The following CENPL variants were observed in gnomAD, a reference collection of about 807,000 sequenced individuals.
CENPL encodes the protein interphase centromere complex protein 33.
In CENPL, 20 loss-of-function variants were observed where a neutral mutation model predicts 35.2. That is an observed-to-expected ratio of 0.57 (90% CI 0.40 to 0.83). The LOEUF is 0.83. Ranked by LOEUF, CENPL falls within the 40% of genes least tolerant of loss-of-function variation. The pLI is 0.00. For missense variants in CENPL, 363 were observed against 395.8 expected (o/e 0.92, Z 0.70); for synonymous variants, 140 against 140.6 (o/e 1.00, Z 0.03).
chr1:173,823,844 G>T (rs1052586736), intron 2 of CENPL, 82 bp downstream of exon 2: 2 of 152,088 alleles, frequency 1.3e-5, no homozygotes, highest in African/African-American at 4.8e-5. Flanking sequence ...ACCTCAACAC[G>T]CAAGTATTGT....
intron 2 of CENPL, among the ~76,000 whole-genome samples, chr1:173,815,357 G>A (rs938710910): frequency 3.9e-5 from 6 of 152,112 alleles, no homozygotes; most frequent in African/African-American, 1.2e-4. Context: ...TCATCCTGAT[G>A]CCAAAGCCTG....
At chr1:173,821,574 G>A (rs780531162) in intron 2 of CENPL, among the ~76,000 whole-genome samples, 3 of 152,048 alleles carry the variant, frequency 2.0e-5, no homozygotes, top group Admixed American at 6.6e-5. Flanking sequence ...TAATGTTAAC[G>A]TAAAATAGCC....
In CENPL at chr1:173,824,668, G is replaced by C. The variant is rs1652378797; in HGVS notation, c.-558C>G. 1 of 159,636 alleles carries C rather than the reference G, an allele frequency of 6.3e-6. No homozygotes were observed. Among genetic ancestry groups the C allele is most frequent in the African/African-American group, 2.4e-5 (1 of 41,510 alleles). 9.9% of individuals were successfully genotyped at this position (159,636 alleles called of 1,614,324 possible). Reference sequence around the variant, plus strand: ...CGGTAATCTTGGGCACTAGCGGGCGGAGTTGAAGGGCGCTTGGACCCCAGC... The same window carrying C: ...CGGTAATCTTGGGCACTAGCGGGCGCAGTTGAAGGGCGCTTGGACCCCAGC... On this transcript the variant is annotated 5_prime_UTR_variant, in exon 1 of 6. Coordinates refer to ENST00000682279, the MANE Select transcript of CENPL (RefSeq NM_001387287.1).
At chr1:173,817,058 A>G (rs939136437) in intron 2 of CENPL, among the ~76,000 whole-genome samples, 1 of 152,064 alleles carries the variant, frequency 6.6e-6, no homozygotes, top group Non-Finnish European at 1.5e-5. Context: ...GAATCGCTGA[A>G]CCCAAGGAGG....
chr1:173,802,650 A>G (rs1347649652), intron 5 of CENPL, among the ~76,000 whole-genome samples: 1 of 152,242 alleles, frequency 6.6e-6, no homozygotes, highest in Admixed American at 6.5e-5. Context: ...TGTCTAACAC[A>G]AAATTCTCTA....
chr1:173,806,583 C>T (rs1479082498), intron 4 of CENPL: 2 of 288,848 alleles, frequency 6.9e-6, no homozygotes, highest in East Asian at 2.7e-4. Context: ...GACCCTGTCT[C>T]AAAAAAATAA....
intron 4 of CENPL, among the ~76,000 whole-genome samples, chr1:173,805,234 T>C (rs1650107496): frequency 6.6e-6 from 1 of 152,104 alleles, no homozygotes; most frequent in Admixed American, 6.6e-5. Context: ...ACAGTCCCTT[T>C]ATGGCTGGGC....
At chr1:173,814,120 G>A (rs987560485) in intron 2 of CENPL, among the ~76,000 whole-genome samples, 1 of 152,104 alleles carries the variant, frequency 6.6e-6, no homozygotes, top group Non-Finnish European at 1.5e-5. Context: ...TCAACAAGAA[G>A]AGCTAACTAC....
chr1:173,824,228 C>T lies in CENPL; in HGVS notation c.-118G>A, dbSNP rs929205703. On this transcript the variant is annotated 5_prime_UTR_variant, in exon 1 of 6. Coordinates refer to ENST00000682279, the MANE Select transcript of CENPL (RefSeq NM_001387287.1). ...TCCGCTCACCCAGCTCTGCGACCCTCGCTCCTGCGGAGTCAGCTTCTGCTC... is the reference window on the plus strand; with the variant it reads ...TCCGCTCACCCAGCTCTGCGACCCTTGCTCCTGCGGAGTCAGCTTCTGCTC... 4 of 152,300 alleles carry T rather than the reference C, an allele frequency of 2.6e-5. No individual in the cohort carries two copies. Among genetic ancestry groups the T allele is most frequent in the Admixed American group, 1.3e-4 (2 of 15,282 alleles). The allele number at this position is 152,300 out of a possible 1,614,324, so 9.4% of individuals were successfully genotyped here.
intron 4 of CENPL, among the ~76,000 whole-genome samples, chr1:173,803,968 G>A (rs939253719): frequency 1.3e-5 from 2 of 152,048 alleles, no homozygotes; most frequent in East Asian, 1.9e-4. Context: ...TACCAGGCCC[G>A]GCCCCCAATA....
At chr1:173,803,589 A>G in intron 4 of CENPL, 84 bp from the exon 5 acceptor site, 3 of 1,278,308 alleles carry the variant, frequency 2.3e-6, no homozygotes, top group Admixed American at 5.2e-5. Flanking sequence ...TTCATTAAAA[A>G]TAAGACGAGC....
intron 3 of CENPL, among the ~76,000 whole-genome samples, chr1:173,809,362 G>A (rs1454317188): frequency 6.6e-6 from 1 of 151,508 alleles, no homozygotes; most frequent in Non-Finnish European, 1.5e-5. Flanking sequence ...GGTGGGGAGG[G>A]TTGATCACCT....
chr1:173,824,085 C>A (rs1328659846), intron 1 of CENPL, 66 bp from the exon 2 acceptor site: 1 of 152,178 alleles, frequency 6.6e-6, no homozygotes, highest in Non-Finnish European at 1.5e-5. Context: ...ACCCCTGGCC[C>A]TCCCAAATTC....
chr1:173,819,741 G>C (rs893786281), intron 2 of CENPL, among the ~76,000 whole-genome samples: 7 of 152,036 alleles, frequency 4.6e-5, no homozygotes, highest in African/African-American at 1.7e-4. Context: ...GCCTGGGCTG[G>C]AGTGCAATGG....
intron 2 of CENPL, among the ~76,000 whole-genome samples, chr1:173,820,349 A>AC (rs1651827751): frequency 1.3e-5 from 2 of 150,526 alleles, no homozygotes; most frequent in Admixed American, 1.3e-4. Flanking sequence ...ACACAGCAAG[A>AC]CCCCATCTTT....
rs1650777364 is a variant in CENPL at position 173,811,128 on chromosome 1, A to G, written c.168+4T>C. 1.2e-6 allele frequency: 2 copies of G among 1,608,948 alleles called. No homozygotes were observed. Reference sequence around the variant, plus strand: ...ACTAACACAAAGGGACACAAAAAGCATACCTGCAACTGCGAACACTGGGGA... The same window carrying G: ...ACTAACACAAAGGGACACAAAAAGCGTACCTGCAACTGCGAACACTGGGGA... On this transcript the variant is annotated splice_donor_region_variant and intron_variant, in intron 3 of 5. Transcript: ENST00000682279.
At chr1:173,805,955 GGGGTCAGCAAATTTTTTCTGTAAA>G (rs1650187392) in intron 4 of CENPL, among the ~76,000 whole-genome samples, 1 of 152,042 alleles carries the variant, frequency 6.6e-6, no homozygotes, top group South Asian at 2.1e-4. Flanking sequence ...ACCTATATCA[GGGGTCAGCAAATTTTTTCTGTAAA>G]GGGCCAGTTA....
At chr1:173,802,208 T>C (rs555326935) in intron 5 of CENPL, among the ~76,000 whole-genome samples, 2 of 142,860 alleles carry the variant, frequency 1.4e-5, no homozygotes, top group Non-Finnish European at 3.1e-5. Context: ...TTTCTGATAC[T>C]TTTTTTTTTT....
In CENPL at chr1:173,803,034, G is replaced by C. The variant is rs1299654969; in HGVS notation, c.892C>G (p.His298Asp). Residue 298 changes from histidine (H) to aspartate (D), a missense_variant, in exon 5 of 6, where the codon CAT becomes GAT. Physicochemically the swap from His to Asp is moderately conservative, Grantham distance 81. Coordinates refer to ENST00000682279, the MANE Select transcript of CENPL (RefSeq NM_001387287.1). ...YSHFHRHFKI[H>D]LSATRLVRVS... ...CGAACTAATCTTGTGGCTGATAAATGAATTTTGAAATGTCTATGGAAATGT... is the reference window on the plus strand; with the variant it reads ...CGAACTAATCTTGTGGCTGATAAATCAATTTTGAAATGTCTATGGAAATGT... 2.4e-5 allele frequency: 39 copies of C among 1,613,644 alleles called. No homozygotes were observed. Among genetic ancestry groups the C allele is most frequent in the Non-Finnish European group, 3.1e-5 (36 of 1,179,588 alleles).
Sources: allele counts gnomAD v4.1 joint callset (sites outside exome capture counted in the v4.1 genomes callset), GRCh38; gene constraint gnomAD v4.1.1; transcripts MANE v1.5; gene names NCBI Gene and HGNC (gene_info 2026-07-23, HGNC 2026-07-21).